Variants in LIPA observed in about 807,000 individuals in gnomAD.
LIPA encodes lipase A, lysosomal acid type, also known as lysosomal acid lipase/cholesteryl ester hydrolase.
LIPA carries 26 observed loss-of-function variants against 40.6 expected under a neutral mutation model. The observed-to-expected ratio is 0.64, with a 90% CI of 0.47 to 0.89. LIPA has a LOEUF of 0.89. LIPA is among the 40% of genes least tolerant of loss of function. The pLI, the probability that LIPA is intolerant of heterozygous loss-of-function variation, is 0.00. For synonymous variants in LIPA, 188 were observed against 168.4 expected (o/e 1.12, Z -0.90); for missense variants, 455 against 479.6 (o/e 0.95, Z 0.48).
intron 1 of LIPA, among the ~76,000 whole-genome samples, chr10:89,297,340 C>T (rs1008705245): frequency 6.6e-6 from 1 of 152,104 alleles, no homozygotes; most frequent in African/African-American, 2.4e-5. Context: ...AGGGAACTCA[C>T]GCTGGGTCTC....
intron 1 of LIPA, among the ~76,000 whole-genome samples, chr10:89,278,895 A>G (rs1286684828): frequency 1.3e-5 from 2 of 151,760 alleles, no homozygotes; most frequent in East Asian, 3.8e-4. Flanking sequence ...GTCTAAATAT[A>G]TTTTGATAAA....
intron 8 of LIPA, among the ~76,000 whole-genome samples, chr10:89,220,048 C>T (rs755208824): frequency 2.6e-5 from 4 of 152,144 alleles, no homozygotes; most frequent in East Asian, 1.9e-4. Flanking sequence ...AGATGATAGC[C>T]GATCCAATGT....
chr10:89,287,796 C>T (rs1843349572), intron 1 of LIPA, among the ~76,000 whole-genome samples: 1 of 152,172 alleles, frequency 6.6e-6, no homozygotes, highest in South Asian at 2.1e-4. Context: ...TTTTACCTCT[C>T]CAAAAACCAG....
chr10:89,392,469 C>T, intron 2 of LIPA: 2 of 187,510 alleles, frequency 1.1e-5, no homozygotes, highest in Non-Finnish European at 1.8e-5. Context: ...GTTTCATTCC[C>T]CACCCCCCCC....
intron 2 of LIPA, among the ~76,000 whole-genome samples, chr10:89,369,197 C>G (rs984894966): frequency 6.6e-6 from 1 of 152,114 alleles, no homozygotes; most frequent in African/African-American, 2.4e-5. Context: ...ACAAAAGAAG[C>G]ATTCACTCCA....
intron 1 of LIPA, among the ~76,000 whole-genome samples, chr10:89,304,283 G>C (rs1045217412): frequency 8.0e-6 from 1 of 125,510 alleles, no homozygotes; most frequent in Non-Finnish European, 1.6e-5. Flanking sequence ...GCCCCGGAGA[G>C]TGCTTGGCTT....
intron 1 of LIPA, among the ~76,000 whole-genome samples, chr10:89,265,904 G>A (rs992641075): frequency 2.0e-5 from 3 of 152,158 alleles, no homozygotes; most frequent in African/African-American, 4.8e-5. Context: ...AAAATGCTCC[G>A]GGATTCAAAG....
rs1844323112 is a variant in LIPA at position 89,395,178 on chromosome 10, AC to A, written c.61+17612del. ...TGACCTATTTGACTTGCCCCCACTG[AC>A]CCCACCCCCACCCCACATGGACCAG... On this transcript the variant is annotated intron_variant, in intron 2 of 8. Coordinates refer to the LIPA transcript ENST00000371837. Among the ~76,000 whole-genome samples, 4 of 138,798 alleles carry A rather than the reference AC, an allele frequency of 2.9e-5. No homozygotes were observed. The South Asian group carries it at 7.6e-4, about 26-fold the overall frequency. The allele number at this position is 138,798 out of a possible 152,430, so 91.1% of individuals were successfully genotyped here. A position where few individuals can be genotyped will look rare whatever the true frequency, so the allele number is the denominator to read the frequency against.
At chr10:89,392,980 GAA>G in intron 2 of LIPA, 1 of 700,352 alleles carries the variant, frequency 1.4e-6, no homozygotes, top group Non-Finnish European at 2.2e-6. Flanking sequence ...AGGGAAATGG[GAA>G]AAGAGTTTTG....
intron 1 of LIPA, among the ~76,000 whole-genome samples, chr10:89,289,993 A>G (rs1052212089): frequency 5.5e-5 from 7 of 126,160 alleles, no homozygotes; most frequent in Non-Finnish European, 8.4e-5. Context: ...ACTGCTAAAA[A>G]AAAAGGGTGG....
chr10:89,233,991 G>A (rs1039845837), intron 3 of LIPA, among the ~76,000 whole-genome samples: 6 of 152,150 alleles, frequency 3.9e-5, no homozygotes, highest in Non-Finnish European at 8.8e-5. Flanking sequence ...CTCCATCCTC[G>A]AGGGAGTCAG....
At chr10:89,357,385 A>T (rs182458623) in intron 2 of LIPA, among the ~76,000 whole-genome samples, 15 of 152,344 alleles carry the variant, frequency 9.8e-5, no homozygotes, top group Non-Finnish European at 1.8e-4. Flanking sequence ...CTATGAGGTC[A>T]ACCTCTTGGT....
Position 89,232,739 on chromosome 10 carries a change from G to C in LIPA, c.230-4341C>G, listed in dbSNP as rs943049647. On this transcript the variant is annotated intron_variant, in intron 3 of 9. Transcript: ENST00000336233. ...TCCCCACCTTCTCTCGATGGAGAAT[G>C]TTTAAAATTTCCCTAAAGTCTCTGT... Among the ~76,000 whole-genome samples the C allele has an allele frequency of 5.6e-4, 86 of 152,240 alleles. 1 individual carries two copies. Among genetic ancestry groups the C allele is most frequent in the African/African-American group, 2.0e-3 (85 of 41,470 alleles).
At chr10:89,368,771 T>TTAAC (rs1304117816) in intron 2 of LIPA, among the ~76,000 whole-genome samples, 1 of 152,104 alleles carries the variant, frequency 6.6e-6, no homozygotes, top group Non-Finnish European at 1.5e-5. Flanking sequence ...GTGCTAGTTA[T>TTAAC]AACTCAGGTT....
intron 5 of LIPA, 82 bp from the exon 6 acceptor site, chr10:89,225,310 C>T (rs1203895613): frequency 8.3e-6 from 13 of 1,563,720 alleles, no homozygotes; most frequent in East Asian, 2.2e-5. Flanking sequence ...TCACTCGCGA[C>T]GCCCTCTCGC....
At chr10:89,223,490 C>T (rs1028381460) in intron 7 of LIPA, among the ~76,000 whole-genome samples, 194 bp downstream of exon 7, 2 of 152,164 alleles carry the variant, frequency 1.3e-5, no homozygotes, top group African/African-American at 4.8e-5. Context: ...AAGAAGGTGA[C>T]CACAGTCAGC....
chr10:89,301,033 T>C (rs1320663113), intron 1 of LIPA, among the ~76,000 whole-genome samples: 1 of 152,236 alleles, frequency 6.6e-6, no homozygotes, highest in Non-Finnish European at 1.5e-5. Flanking sequence ...TAGCATTTAC[T>C]TATTACTGCC....
chr10:89,231,218 T>C (rs759103101), intron 3 of LIPA, among the ~76,000 whole-genome samples: 2 of 152,214 alleles, frequency 1.3e-5, no homozygotes, highest in East Asian at 1.9e-4. Context: ...AAGAATGATT[T>C]GTCCAGATGA....
At chr10:89,413,760 C>A (rs1589646637) in intron 1 of LIPA, among the ~76,000 whole-genome samples, 3 of 125,200 alleles carry the variant, frequency 2.4e-5, no homozygotes, top group East Asian at 2.7e-4. Flanking sequence ...GAGTGAGACC[C>A]TGTCTCAAAA....
Sources: allele counts gnomAD v4.1 joint callset (sites outside exome capture counted in the v4.1 genomes callset), GRCh38; gene constraint gnomAD v4.1.1; transcripts MANE v1.5; gene names NCBI Gene and HGNC (gene_info 2026-07-23, HGNC 2026-07-21).